ZNF487: variants seen among roughly 807,000 people sequenced by gnomAD.
ZNF487 encodes zinc finger protein 487, also known as KRAB domain only 1.
ZNF487 carries 4 observed loss-of-function variants against 3.0 expected under a neutral mutation model. That is an observed-to-expected ratio of 1.35 (90% CI 0.66 to 3.08). The LOEUF is 3.08. Among genes scored for constraint, ZNF487 ranks in the 30% most tolerant of loss-of-function variants. The pLI is 0.01. For missense variants in ZNF487, 146 were observed against 98.7 expected (o/e 1.48, Z -2.03); for synonymous variants, 55 against 34.6 (o/e 1.59, Z -2.06).
At chr10:43,501,832 C>A in the ZNF487 span, among the ~76,000 whole-genome samples, 1 of 151,048 alleles carries the variant, frequency 6.6e-6, no homozygotes, top group African/African-American at 2.4e-5. Flanking sequence ...GCCACTCAGG[C>A]TGGAGTACAA....
intron 3 of ZNF487, among the ~76,000 whole-genome samples, chr10:43,478,325 C>T (rs1588743821): frequency 6.6e-6 from 1 of 152,132 alleles, no homozygotes; most frequent in African/African-American, 2.4e-5. Flanking sequence ...AAGGCCAAGG[C>T]GTGTGGATCA....
intron 1 of ZNF487, among the ~76,000 whole-genome samples, chr10:43,443,800 A>G (rs1839705689): frequency 6.6e-6 from 1 of 151,726 alleles, no homozygotes; most frequent in Non-Finnish European, 1.5e-5. Flanking sequence ...TTGGGAGTAC[A>G]GACACGAACC....
At chr10:43,499,732 T>C in the ZNF487 span, among the ~76,000 whole-genome samples, 2 of 151,274 alleles carry the variant, frequency 1.3e-5, 1 homozygote, top group South Asian at 4.2e-4. Context: ...ACTTGGGTGA[T>C]GGAGTGAGAC....
intron 1 of ZNF487, among the ~76,000 whole-genome samples, 171 bp downstream of exon 1, chr10:43,437,433 C>T (rs1305987955): frequency 6.6e-6 from 1 of 152,096 alleles, no homozygotes; most frequent in Non-Finnish European, 1.5e-5. Flanking sequence ...GCGGGAGCGG[C>T]CAGCCCACCC....
intron 1 of ZNF487, among the ~76,000 whole-genome samples, chr10:43,437,778 A>G (rs941037613): frequency 2.6e-5 from 4 of 151,998 alleles, no homozygotes; most frequent in African/African-American, 4.8e-5. Flanking sequence ...TTTTTCTCTT[A>G]CATCGGCAGC....
chr10:43,502,178 T>C, the ZNF487 span, among the ~76,000 whole-genome samples: 1 of 152,204 alleles, frequency 6.6e-6, no homozygotes, highest in East Asian at 1.9e-4. Context: ...TTGGCACATA[T>C]ACACCATGGA....
At chr10:43,438,808 C>T (rs938353626) in intron 1 of ZNF487, among the ~76,000 whole-genome samples, 1 of 152,160 alleles carries the variant, frequency 6.6e-6, no homozygotes, top group Admixed American at 6.6e-5. Context: ...TGGCTGGATG[C>T]AGCGGCTCAT....
At chr10:43,449,185 GCT>G (rs993601994) in intron 1 of ZNF487, among the ~76,000 whole-genome samples, 19 of 152,072 alleles carry the variant, frequency 1.2e-4, no homozygotes, top group Admixed American at 1.1e-3. Flanking sequence ...TGTAATCCCA[GCT>G]ACTTTGGAGG....
At chr10:43,500,310 A>G in the ZNF487 span, among the ~76,000 whole-genome samples, 1 of 152,082 alleles carries the variant, frequency 6.6e-6, no homozygotes, top group Non-Finnish European at 1.5e-5. Context: ...ACGCCTGGCC[A>G]CACCAGTCAT....
At chr10:43,453,979 C>T (rs1840089537) in intron 1 of ZNF487, 1 of 152,076 alleles carries the variant, frequency 6.6e-6, no homozygotes, top group Non-Finnish European at 1.5e-5. Flanking sequence ...GTATGTTATG[C>T]ACAAGGTTTG....
chr10:43,489,027 C>T, the ZNF487 span, among the ~76,000 whole-genome samples: 3 of 152,062 alleles, frequency 2.0e-5, no homozygotes, highest in African/African-American at 7.2e-5. Context: ...GAAGAATCAC[C>T]TGAGCCCAGG....
chr10:43,461,437 A>T (rs946508969), intron 1 of ZNF487, among the ~76,000 whole-genome samples: 2 of 151,890 alleles, frequency 1.3e-5, no homozygotes, highest in Non-Finnish European at 2.9e-5. Flanking sequence ...TTCTGATCTC[A>T]GCCTCCTGAG....
At chr10:43,491,868 G>A in the ZNF487 span, among the ~76,000 whole-genome samples, 1 of 151,830 alleles carries the variant, frequency 6.6e-6, no homozygotes, top group Non-Finnish European at 1.5e-5. Flanking sequence ...AAGGATATAT[G>A]TAGGACTTAT....
intron 1 of ZNF487, among the ~76,000 whole-genome samples, chr10:43,450,361 GT>G (rs548131225): frequency 6.8e-6 from 1 of 147,478 alleles, no homozygotes; most frequent in African/African-American, 2.5e-5. Context: ...TTTTTGCTTT[GT>G]TTTTTTTTGA....
At chr10:43,469,311 C>T (rs1005003058) in intron 1 of ZNF487, among the ~76,000 whole-genome samples, 3 of 152,016 alleles carry the variant, frequency 2.0e-5, no homozygotes, top group Non-Finnish European at 4.4e-5. Flanking sequence ...ATTCTCCTGC[C>T]TCAGCCTCCT....
chr10:43,484,588 C>A (rs563988800), downstream of ZNF487, among the ~76,000 whole-genome samples: 7 of 151,734 alleles, frequency 4.6e-5, no homozygotes, highest in Non-Finnish European at 8.8e-5. Flanking sequence ...GCCTGGGCGA[C>A]GGAGCAAGAC....
At chr10:43,449,319 A>T (rs879805178) in intron 1 of ZNF487, among the ~76,000 whole-genome samples, 1 of 152,100 alleles carries the variant, frequency 6.6e-6, no homozygotes, top group African/African-American at 2.4e-5. Context: ...AATCAACTGT[A>T]TATCTAATGG....
At chr10:43,446,795 G>A (rs978306016) in intron 1 of ZNF487, among the ~76,000 whole-genome samples, 8 of 152,160 alleles carry the variant, frequency 5.3e-5, no homozygotes, top group East Asian at 3.9e-4. Flanking sequence ...ACCGGGTGGC[G>A]GCTGGGAAGA....
At chr10:43,498,440 G>A in the ZNF487 span, among the ~76,000 whole-genome samples, 6 of 150,136 alleles carry the variant, frequency 4.0e-5, no homozygotes, top group Non-Finnish European at 7.4e-5. Flanking sequence ...CCACCATGCC[G>A]GCTAATTTTT....
Sources: allele counts gnomAD v4.1 joint callset (sites outside exome capture counted in the v4.1 genomes callset), GRCh38; gene constraint gnomAD v4.1.1; transcripts MANE v1.5; gene names NCBI Gene and HGNC (gene_info 2026-07-23, HGNC 2026-07-21).